CPNE9: variants seen among roughly 807,000 people sequenced by gnomAD.
The protein encoded by CPNE9 is copine-9.
In CPNE9, 59 loss-of-function variants were observed where a neutral mutation model predicts 83.0. The ratio of observed to expected loss-of-function variants is 0.71; its 90% confidence interval spans 0.58 to 0.88. CPNE9 has a LOEUF of 0.88. Ranked by LOEUF, CPNE9 falls within the 40% of genes least tolerant of loss-of-function variation. The pLI is 0.00. For synonymous variants in CPNE9, 256 were observed against 273.4 expected (o/e 0.94, Z 0.63); for missense variants, 619 against 720.8 (o/e 0.86, Z 1.62).
intron 14 of CPNE9, 115 bp from the exon 15 acceptor site, chr3:9,716,943 A>G: frequency 9.1e-7 from 1 of 1,099,050 alleles, no homozygotes; most frequent in Non-Finnish European, 1.4e-6. Flanking sequence ...CATCTGGATC[A>G]GAATCTGCAT....
chr3:9,715,635 T>C, intron 13 of CPNE9, 109 bp downstream of exon 13: 1 of 938,764 alleles, frequency 1.1e-6, no homozygotes, highest in East Asian at 2.4e-5. Context: ...CACAGATTAC[T>C]TGGAATAGTA....
At chr3:9,705,062 C>A in intron 4 of CPNE9, 68 bp downstream of exon 4, 1 of 1,183,638 alleles carries the variant, frequency 8.4e-7, no homozygotes, top group Non-Finnish European at 1.2e-6. Context: ...TTCTGGCTGG[C>A]CCCACCCCCG....
In CPNE9 at chr3:9,728,922, G is replaced by T. The variant is rs1482447938; in HGVS notation, c.1477-585G>T. ...CTGGTCCCTGCCCCTTGTCTCCCCT[G>T]CTCCCTCCTTTCCAGTCTCCCTCCC... On this transcript the variant is annotated intron_variant, in intron 20 of 20. Coordinates refer to ENST00000383832, the MANE Select transcript of CPNE9 (RefSeq NM_153635.3). Among the ~76,000 whole-genome samples, 5 of 151,790 alleles carry T rather than the reference G, an allele frequency of 3.3e-5. No homozygotes were observed. The South Asian group carries it at 6.2e-4, about 19-fold the overall frequency.
chr3:9,724,877 C>T (rs980939360), intron 17 of CPNE9, among the ~76,000 whole-genome samples: 3 of 152,120 alleles, frequency 2.0e-5, no homozygotes, highest in African/African-American at 2.4e-5. Context: ...CTGCCTCAGC[C>T]TCCCGAGTAG....
Position 9,704,620 on chromosome 3 carries a change from C to G in CPNE9, c.102C>G (p.Ser34=). 1 of 1,613,992 alleles carries G rather than the reference C, an allele frequency of 6.2e-7. No individual in the cohort carries two copies. The highest frequency in any genetic ancestry group is 8.5e-7 in the Non-Finnish European group (1 of 1,179,878). Residue 34 remains serine (S), a synonymous_variant, in exon 2 of 21, where the codon TCC becomes TCG. Transcript: ENST00000383832. The surrounding 1 kb of genome is among the most constrained non-coding windows in gnomAD (Gnocchi z 7.1). ...NLLDLDTFSK[S]DPMVVLYTQS... ...TAGACCTTGATACCTTCTCCAAGTCCGACCCCAGTAGGCGGCTCCAGGACC... is the reference window on the plus strand; with the variant it reads ...TAGACCTTGATACCTTCTCCAAGTCGGACCCCAGTAGGCGGCTCCAGGACC...
chr3:9,729,769 G>C lies in CPNE9; in HGVS notation c.*77G>C. On this transcript the variant is annotated 3_prime_UTR_variant, in exon 21 of 21. Coordinates refer to ENST00000383832, the MANE Select transcript of CPNE9 (RefSeq NM_153635.3). ...TTCTGCTTTAAGCCAGAGGCACCTG[G>C]AACCCTGGACTTCACTGGGAGGGCC... 1 of 1,500,646 alleles carries C rather than the reference G, an allele frequency of 6.7e-7. No homozygotes were observed. The highest frequency in any genetic ancestry group is 1.4e-5 in the African/African-American group (1 of 72,706). 93.0% of individuals were successfully genotyped at this position (1,500,646 alleles called of 1,614,324 possible).
At chr3:9,714,259 G>C (rs1307533635) in intron 10 of CPNE9, among the ~76,000 whole-genome samples, 4 of 152,158 alleles carry the variant, frequency 2.6e-5, no homozygotes, top group Non-Finnish European at 5.9e-5. Flanking sequence ...TCAGTGAATG[G>C]CTAGATGTAT....
At chr3:9,712,935 C>A in intron 9 of CPNE9, 40 bp from the exon 10 acceptor site, 2 of 1,583,260 alleles carry the variant, frequency 1.3e-6, no homozygotes, top group South Asian at 1.1e-5. Flanking sequence ...CTACCCCGGG[C>A]ACGAGATAAA....
At position 9,704,213 on chromosome 3, in the gene CPNE9, G is replaced by C. The variant is rs1368285658; in HGVS notation, c.68+149G>C. ...GCTGATGACAGGGCGAGTAGCTGGT[G>C]GGATCGAGAAGCGGGGGGTCTTGGG... On this transcript the variant is annotated intron_variant, in intron 1 of 20. Transcript: ENST00000383832. The surrounding 1 kb of genome is among the most constrained non-coding windows in gnomAD (Gnocchi z 7.1). 1 of 783,268 alleles carries C rather than the reference G, an allele frequency of 1.3e-6. No individual in the cohort carries two copies. Among genetic ancestry groups the C allele is most frequent in the Non-Finnish European group, 2.0e-6 (1 of 496,104 alleles). 48.5% of individuals were successfully genotyped at this position (783,268 alleles called of 1,614,324 possible).
chr3:9,717,885 T>G (rs936296227), intron 15 of CPNE9, 144 bp from the exon 16 acceptor site: 3 of 646,728 alleles, frequency 4.6e-6, no homozygotes, highest in Non-Finnish European at 7.7e-6. Context: ...AATGAACAAA[T>G]GGATGATTGG....
At position 9,729,633 on chromosome 3, in the gene CPNE9, C is replaced by G. The variant is rs2076811477; in HGVS notation, c.1603C>G (p.Gln535Glu). The G allele has an allele frequency of 2.5e-6, 4 of 1,614,150 alleles. No homozygotes were observed. Among genetic ancestry groups the G allele is most frequent in the Middle Eastern group, 1.6e-4 (1 of 6,062 alleles). Residue 535 changes from glutamine (Q) to glutamate (E), a missense_variant, in exon 21 of 21, where the codon CAG (glutamine) becomes GAG (glutamate). Coordinates refer to ENST00000383832, the MANE Select transcript of CPNE9 (RefSeq NM_153635.3). ...LLSYMRTRDI[Q>E]PRPPPPANPS... ...GTCCTATATGCGCACCAGAGACATC[C>G]AGCCTCGGCCCCCACCCCCTGCCAA... is the stretch of plus-strand genomic sequence containing the variant.
At chr3:9,724,896 A>G (rs296581) in intron 17 of CPNE9, among the ~76,000 whole-genome samples, 135,800 of 152,074 alleles carry the variant, frequency 0.89, 60,827 homozygotes, top group African/African-American at 0.97. Context: ...AGCTGGGATT[A>G]CAGGCACCCA....
At chr3:9,710,524 GA>G (rs1293763798) in intron 7 of CPNE9, among the ~76,000 whole-genome samples, 2 of 152,228 alleles carry the variant, frequency 1.3e-5, no homozygotes, top group African/African-American at 4.8e-5. Flanking sequence ...CCATCTACCA[GA>G]ACTGGAGAGT....
Position 9,724,760 on chromosome 3 carries a change from C to G in CPNE9, c.1242-1189C>G, listed in dbSNP as rs543546689. On this transcript the variant is annotated intron_variant, in intron 17 of 20. Transcript: ENST00000383832. The stretch of plus-strand genomic sequence containing the variant: ...TCTATCTATCTATCTATCTATCTAT[C>G]TATCTATCTATCTGAGACGGAGTCT... 1.7e-3 allele frequency among the ~76,000 whole-genome samples: 256 copies of G among 151,274 alleles called. 3 individuals carry two copies. The highest frequency in any genetic ancestry group is 9.4e-3 in the Admixed American group (143 of 15,202).
At position 9,726,737 on chromosome 3, in the gene CPNE9, G is replaced by T. The variant is rs1257182140; in HGVS notation, c.1402+15G>T. 1.2e-5 allele frequency: 20 copies of T among 1,612,012 alleles called. No homozygotes were observed. Among genetic ancestry groups the T allele is most frequent in the Non-Finnish European group, 1.7e-5 (20 of 1,178,156 alleles). On this transcript the variant is annotated intron_variant, in intron 19 of 20. Coordinates refer to ENST00000383832, the MANE Select transcript of CPNE9 (RefSeq NM_153635.3). ...CATGTTTGAGGGTGAGTAGGAAGGG[G>T]TGTCCCTGAGTGGGACTAAGAACTA...
intron 16 of CPNE9, 55 bp downstream of exon 16, chr3:9,718,265 T>C: frequency 5.3e-6 from 8 of 1,516,174 alleles, no homozygotes; most frequent in Non-Finnish European, 7.2e-6. Context: ...TTCACCCAAG[T>C]TGATGATTTT....
chr3:9,714,434 A>G (rs1472445697), intron 10 of CPNE9, among the ~76,000 whole-genome samples: 2 of 152,136 alleles, frequency 1.3e-5, no homozygotes, highest in Non-Finnish European at 2.9e-5. Flanking sequence ...CTTTGGAATC[A>G]GGATGCCTGG....
At position 9,715,302 on chromosome 3, in the gene CPNE9, G is replaced by A; in HGVS notation, c.706G>A (p.Gly236Ser). The change falls in exon 12 of 21, where the codon GGT becomes AGT. Residue 236 changes from glycine (G) to serine (S), a missense_variant. Physicochemically the swap from Gly to Ser is moderately conservative, Grantham distance 56. Transcript: ENST00000383832. ...ACCTCATTGCAGCCACGATTTCATT[G>A]GTGAGTTCACCACCAGCTACCGGGA... The part of the protein sequence containing the change: ...WDRDGSHDFI[G>S]EFTTSYRELS... The A allele has an allele frequency of 6.2e-7, 1 of 1,614,156 alleles. No homozygotes were observed. The highest frequency in any genetic ancestry group is 1.3e-5 in the African/African-American group (1 of 75,028).
chr3:9,715,330 T>G lies in CPNE9; in HGVS notation c.734T>G (p.Leu245Arg). 6.2e-7 allele frequency: 1 copy of G among 1,614,212 alleles called. No individual in the cohort carries two copies. The highest frequency in any genetic ancestry group is 8.5e-7 in the Non-Finnish European group (1 of 1,180,022). The change falls in exon 12 of 21, where the codon CTG (leucine) becomes CGG (arginine). Residue 245 changes from leucine to arginine, a missense_variant. Around this residue, in one of 3 missense-constraint regions of CPNE9, gnomAD observed 438 missense variants for 562.9 expected, o/e 0.78. Transcript: ENST00000383832. ...IGEFTTSYRE[L>R]SKAQNQFTVY... ...GAGTTCACCACCAGCTACCGGGAGC[T>G]GAGCAAGGCCCAGAACCAGTTCACA...
Sources: allele counts gnomAD v4.1 joint callset (sites outside exome capture counted in the v4.1 genomes callset), GRCh38; gene constraint gnomAD v4.1.1; regional missense constraint gnomAD v4.1.1; non-coding constraint Gnocchi (gnomAD v3.1); transcripts MANE v1.5; gene names NCBI Gene and HGNC (gene_info 2026-07-23, HGNC 2026-07-21).